Variants in PDS5A observed in about 807,000 individuals in gnomAD.
PDS5A encodes the protein PDS5 cohesin associated factor A.
A neutral mutation model predicts 167.1 loss-of-function variants in PDS5A; 42 were observed. That is an observed-to-expected ratio of 0.25 (90% CI 0.20 to 0.33). The LOEUF (loss-of-function observed/expected upper bound fraction) is 0.33, where lower values mean the gene tolerates loss of function less well. Among genes scored for constraint, PDS5A ranks in the 10% least tolerant of loss-of-function variants. The pLI is 1.00. For missense variants in PDS5A, 1,033 were observed against 1,605.9 expected, an observed-to-expected ratio of 0.64 and a Z score of 6.10; for synonymous variants, 553 against 554.6, an observed-to-expected ratio of 1.00 and a Z score of 0.04.
rs575277670 is a variant in PDS5A, at chr4:39,899,539, T to C, written c.1582-714A>G. On this transcript the variant is annotated intron_variant, in intron 14 of 32. Transcript: ENST00000303538. ...CCTTGCAAAATATGTTTTTGCTATC[T>C]GTTGATTTATTTTCAAAGTTTGCTA... 3.9e-5 allele frequency among the ~76,000 whole-genome samples: 6 copies of C among 152,256 alleles called. No individual in the cohort carries two copies. The East Asian group carries it at 1.2e-3, about 29-fold the overall frequency.
intron 11 of PDS5A, among the ~76,000 whole-genome samples, chr4:39,907,609 CAG>C (rs1466092953): frequency 3.5e-5 from 5 of 144,808 alleles, no homozygotes; most frequent in African/African-American, 1.0e-4. Context: ...TTTTTTGAGA[CAG>C]AGTCTCGCTT....
chr4:39,937,896 G>A (rs1578781873), intron 2 of PDS5A, among the ~76,000 whole-genome samples: 3 of 152,196 alleles, frequency 2.0e-5, no homozygotes, highest in South Asian at 4.1e-4. Flanking sequence ...TGACTGGAGT[G>A]TTAAGTTTAG....
intron 16 of PDS5A, among the ~76,000 whole-genome samples, chr4:39,892,017 G>A (rs886289282): frequency 6.6e-6 from 1 of 152,036 alleles, no homozygotes; most frequent in Non-Finnish European, 1.5e-5. Flanking sequence ...AGGCTGAGGT[G>A]GGGGGGATCA....
intron 2 of PDS5A, among the ~76,000 whole-genome samples, chr4:39,975,461 T>C (rs1379548270): frequency 1.3e-5 from 2 of 152,218 alleles, no homozygotes; most frequent in African/African-American, 2.4e-5. Flanking sequence ...GTGGAAACAT[T>C]GTCAACAATG....
At chr4:39,970,664 T>G (rs1730428075) in intron 2 of PDS5A, among the ~76,000 whole-genome samples, 1 of 151,870 alleles carries the variant, frequency 6.6e-6, no homozygotes, top group African/African-American at 2.4e-5. Context: ...GTGACTGATT[T>G]TGGTAAAGGT....
chr4:39,933,954 T>C (rs570403128), intron 2 of PDS5A, among the ~76,000 whole-genome samples: 78 of 152,232 alleles, frequency 5.1e-4, no homozygotes, highest in African/African-American at 1.7e-3. Flanking sequence ...AGCTGGCAAG[T>C]ATGGAGTGAG....
intron 14 of PDS5A, 22 bp downstream of exon 14, chr4:39,900,404 T>A (rs758979864): frequency 6.8e-7 from 1 of 1,480,958 alleles, no homozygotes; most frequent in Non-Finnish European, 9.3e-7. Flanking sequence ...AAACTATGAA[T>A]TTAAACAAAT....
intron 16 of PDS5A, among the ~76,000 whole-genome samples, chr4:39,893,530 A>G (rs1578684828): frequency 6.6e-6 from 1 of 152,332 alleles, no homozygotes; most frequent in East Asian, 1.9e-4. Flanking sequence ...TAGGGTACAG[A>G]GAAGGAACTC....
chr4:39,829,986 A>G (rs995361094), intron 32 of PDS5A, among the ~76,000 whole-genome samples: 4 of 126,280 alleles, frequency 3.2e-5, no homozygotes, highest in African/African-American at 9.1e-5. Flanking sequence ...AAAAAAAAAG[A>G]AATTTCCAAG....
intron 2 of PDS5A, among the ~76,000 whole-genome samples, chr4:39,966,867 T>G (rs1337336518): frequency 6.8e-6 from 1 of 147,672 alleles, no homozygotes; most frequent in Admixed American, 7.0e-5. Flanking sequence ...GGTGTAGTGG[T>G]GGGTGCCTGT....
intron 2 of PDS5A, among the ~76,000 whole-genome samples, chr4:39,964,936 G>A (rs537378960): frequency 9.9e-4 from 151 of 151,882 alleles, no homozygotes; most frequent in African/African-American, 3.5e-3. Flanking sequence ...GAAAGACTCT[G>A]TCTCAAAAAA....
At chr4:39,864,320 TA>T (rs947190115) in intron 23 of PDS5A, among the ~76,000 whole-genome samples, 7 of 152,198 alleles carry the variant, frequency 4.6e-5, no homozygotes, top group Admixed American at 4.6e-4. Context: ...GACAAATACC[TA>T]AAGGATATGA....
chr4:39,879,693 G>A (rs376543738), intron 18 of PDS5A, 35 bp downstream of exon 18: 41 of 1,294,886 alleles, frequency 3.2e-5, no homozygotes, highest in Admixed American at 2.2e-4. Flanking sequence ...ATGACCCCAC[G>A]GAAATACATG....
intron 7 of PDS5A, among the ~76,000 whole-genome samples, chr4:39,919,840 C>CA (rs1560483960): frequency 1.3e-5 from 2 of 151,696 alleles, no homozygotes; most frequent in African/African-American, 2.4e-5. Context: ...GCAACTATCA[C>CA]AATCTTTCAT....
intron 26 of PDS5A, among the ~76,000 whole-genome samples, chr4:39,858,189 T>C (rs1275279021): frequency 1.3e-5 from 2 of 152,202 alleles, no homozygotes; most frequent in Admixed American, 6.5e-5. Flanking sequence ...TTCAGTCCCA[T>C]TCCTATCAAA....
intron 2 of PDS5A, among the ~76,000 whole-genome samples, chr4:39,963,784 C>T (rs1729719053): frequency 1.3e-5 from 2 of 151,170 alleles, no homozygotes; most frequent in South Asian, 2.1e-4. Flanking sequence ...AGCAGTGAGC[C>T]GTGATCACAC....
intron 2 of PDS5A, among the ~76,000 whole-genome samples, chr4:39,962,567 A>G (rs2109809742): frequency 6.6e-6 from 1 of 151,968 alleles, no homozygotes; most frequent in African/African-American, 2.4e-5. Flanking sequence ...GCACTTTGGG[A>G]GGCCGAGGCG....
At chr4:39,893,188 G>C (rs994902756) in intron 16 of PDS5A, among the ~76,000 whole-genome samples, 1 of 152,138 alleles carries the variant, frequency 6.6e-6, no homozygotes, top group East Asian at 1.9e-4. Context: ...AAACTATGAC[G>C]CACAGCTGAA....
At chr4:39,937,857 C>T (rs2109759660) in intron 2 of PDS5A, among the ~76,000 whole-genome samples, 1 of 152,312 alleles carries the variant, frequency 6.6e-6, no homozygotes, top group African/African-American at 2.4e-5. Flanking sequence ...TGGTGGTGCC[C>T]TAAAGCAGCT....
Sources: allele counts gnomAD v4.1 joint callset (sites outside exome capture counted in the v4.1 genomes callset), GRCh38; gene constraint gnomAD v4.1.1; transcripts MANE v1.5; gene names NCBI Gene and HGNC (gene_info 2026-07-23, HGNC 2026-07-21).